The following DPH6 variants were observed in gnomAD, a reference collection of about 807,000 sequenced individuals.
The protein encoded by DPH6 is diphthine--ammonia ligase.
Under a neutral mutation model 38.2 loss-of-function variants are expected in DPH6, and 33 were observed. That is an observed-to-expected ratio of 0.86 (90% CI 0.65 to 1.15). DPH6 has a LOEUF of 1.15. Ranked by LOEUF, DPH6 falls within the 50% of genes most tolerant of loss-of-function variation. The pLI is 0.00. For synonymous variants in DPH6, 108 were observed against 103.0 expected, an observed-to-expected ratio of 1.05 and a Z score of -0.30; for missense variants, 325 against 320.0, an observed-to-expected ratio of 1.02 and a Z score of -0.12.
chr15:35,542,345 G>T, intron 2 of DPH6, 68 bp downstream of exon 2: 1 of 1,304,652 alleles, frequency 7.7e-7, no homozygotes, highest in Non-Finnish European at 1.1e-6. Context: ...CGGTATACCT[G>T]TACAATGTAA....
At chr15:35,207,919 TATAAG>T in the DPH6 span, among the ~76,000 whole-genome samples, 7 of 152,228 alleles carry the variant, frequency 4.6e-5, no homozygotes, top group African/African-American at 1.7e-4. Flanking sequence ...TACATTTAGT[TATAAG>T]ATGAGTATAG....
chr15:35,393,935 AG>A (rs1467601553), intron 6 of DPH6, among the ~76,000 whole-genome samples: 1 of 152,108 alleles, frequency 6.6e-6, no homozygotes, highest in African/African-American at 2.4e-5. Context: ...TATGAGTAGT[AG>A]TTTTCTGGGA....
At chr15:35,234,584 C>T (rs140412246) in intron 3 of DPH6, among the ~76,000 whole-genome samples, 5 of 152,316 alleles carry the variant, frequency 3.3e-5, no homozygotes, top group African/African-American at 4.8e-5. Flanking sequence ...ATATTAACAA[C>T]ACCCAAACTA....
chr15:35,483,857 A>T (rs1184216037), intron 3 of DPH6, among the ~76,000 whole-genome samples: 2 of 152,242 alleles, frequency 1.3e-5, no homozygotes, highest in African/African-American at 4.8e-5. Context: ...CAGCAATAAA[A>T]AGAAATGAAG....
At chr15:35,426,483 C>T (rs556858101) in intron 5 of DPH6, among the ~76,000 whole-genome samples, 3 of 151,570 alleles carry the variant, frequency 2.0e-5, no homozygotes, top group Non-Finnish European at 4.4e-5. Flanking sequence ...CAGAAGAACA[C>T]GATGTGTAGA....
chr15:35,516,443 G>A (rs186513250), intron 3 of DPH6, among the ~76,000 whole-genome samples: 5 of 152,106 alleles, frequency 3.3e-5, no homozygotes, highest in Admixed American at 2.6e-4. Flanking sequence ...TATGTTGTAC[G>A]TACTACTACT....
intron 3 of DPH6, chr15:35,299,252 G>A (rs906792480): frequency 1.8e-6 from 2 of 1,100,138 alleles, no homozygotes; most frequent in African/African-American, 1.5e-5. Context: ...CAATTTGCCC[G>A]GTCATCTGAG....
intron 3 of DPH6, among the ~76,000 whole-genome samples, chr15:35,466,699 T>A (rs2054130674): frequency 6.6e-6 from 1 of 152,188 alleles, no homozygotes; most frequent in South Asian, 2.1e-4. Flanking sequence ...TATATAAATG[T>A]AGATGGTAAT....
Position 35,391,232 on chromosome 15 carries a change from C to T in DPH6, c.568-9316G>A, listed in dbSNP as rs538825621. On this transcript the variant is annotated intron_variant, in intron 6 of 8. Transcript: ENST00000256538. ...TTTCTCAGAGGAGTACCTGGCTGTG[C>T]GAGGTGTCAGTCCGCCCCTACTGGG... Among the ~76,000 whole-genome samples the T allele has an allele frequency of 8.5e-5, 13 of 152,214 alleles. No individual in the cohort carries two copies. In the South Asian group the frequency reaches 1.9e-3, roughly 22 times the overall value.
At chr15:35,209,156 T>TC in the DPH6 span, among the ~76,000 whole-genome samples, 1 of 152,160 alleles carries the variant, frequency 6.6e-6, no homozygotes, top group African/African-American at 2.4e-5. Context: ...TACTTAGCAA[T>TC]CTTATTTAAC....
intron 3 of DPH6, among the ~76,000 whole-genome samples, chr15:35,265,190 GAATAT>G (rs1429142122): frequency 6.6e-6 from 1 of 151,130 alleles, no homozygotes; most frequent in Non-Finnish European, 1.5e-5. Context: ...ATCAAATCTA[GAATAT>G]AATAAGAATT....
At chr15:35,345,400 T>C (rs1020023625) in intron 3 of DPH6, among the ~76,000 whole-genome samples, 1 of 151,876 alleles carries the variant, frequency 6.6e-6, no homozygotes, top group African/African-American at 2.4e-5. Flanking sequence ...CAAGCAGTCA[T>C]TTCCATCATC....
the DPH6 span, among the ~76,000 whole-genome samples, chr15:35,184,570 T>C: frequency 1.3e-5 from 2 of 152,128 alleles, no homozygotes; most frequent in African/African-American, 4.8e-5. Flanking sequence ...GCCTATATAC[T>C]AAGGTTGATT....
intron 5 of DPH6, among the ~76,000 whole-genome samples, chr15:35,416,011 C>T (rs2053431143): frequency 6.6e-6 from 1 of 151,938 alleles, no homozygotes; most frequent in Admixed American, 6.6e-5. Flanking sequence ...GGTGTATATG[C>T]TGCTATGATT....
intron 5 of DPH6, among the ~76,000 whole-genome samples, chr15:35,434,105 T>C (rs62003569): frequency 0.37 from 55,715 of 151,946 alleles, 12,388 homozygotes; most frequent in African/African-American, 0.63. Context: ...CAAATCAGAC[T>C]CAAAACAGCA....
intron 5 of DPH6, among the ~76,000 whole-genome samples, chr15:35,439,346 G>T (rs1221990959): frequency 4.6e-5 from 7 of 152,194 alleles, no homozygotes; most frequent in Admixed American, 4.6e-4. Context: ...ATAGAGTGGG[G>T]TATACTCCTG....
intron 5 of DPH6, among the ~76,000 whole-genome samples, chr15:35,420,507 A>G (rs551204790): frequency 5.1e-4 from 77 of 152,170 alleles, no homozygotes; most frequent in Admixed American, 4.9e-3. Flanking sequence ...ACAGAGTTTT[A>G]TTTTATTTTA....
intron 3 of DPH6, among the ~76,000 whole-genome samples, chr15:35,496,409 G>T (rs994956421): frequency 5.3e-5 from 8 of 150,740 alleles, no homozygotes; most frequent in African/African-American, 2.0e-4. Context: ...GAAAAAATTA[G>T]CCAGGCATGG....
chr15:35,447,920 CCTTTCATAGTCAATGTTA>C (rs2053877387), intron 5 of DPH6, among the ~76,000 whole-genome samples: 1 of 152,130 alleles, frequency 6.6e-6, no homozygotes, highest in South Asian at 2.1e-4. Flanking sequence ...AGCATTATTT[CCTTTCATAGTCAATGTTA>C]CTACACCATC....
Sources: allele counts gnomAD v4.1 joint callset (sites outside exome capture counted in the v4.1 genomes callset), GRCh38; gene constraint gnomAD v4.1.1; transcripts MANE v1.5; gene names NCBI Gene and HGNC (gene_info 2026-07-23, HGNC 2026-07-21).